The following MIS18A variants were observed in gnomAD, a reference collection of about 807,000 sequenced individuals.
MIS18A encodes protein Mis18-alpha.
A neutral mutation model predicts 25.0 loss-of-function variants in MIS18A; 14 were observed. The observed-to-expected ratio is 0.56, with a 90% confidence interval of 0.37 to 0.88. MIS18A has a LOEUF of 0.88. Ranked by LOEUF, MIS18A falls within the 40% of genes least tolerant of loss-of-function variation. The pLI is 0.00. For synonymous variants in MIS18A, 134 were observed against 118.6 expected (o/e 1.13, Z -0.84); for missense variants, 292 against 290.8 (o/e 1.00, Z -0.03).
At chr21:32,244,659 C>T in the MIS18A span, among the ~76,000 whole-genome samples, 13 of 152,196 alleles carry the variant, frequency 8.5e-5, no homozygotes, top group South Asian at 6.2e-4. Context: ...ACTGCTTGAG[C>T]CTGGGAGGTT....
the MIS18A span, among the ~76,000 whole-genome samples, chr21:32,198,604 G>A: frequency 1.3e-5 from 2 of 152,204 alleles, no homozygotes; most frequent in African/African-American, 2.4e-5. Context: ...TGCTCCAGAG[G>A]AGCCCAGCAG....
the MIS18A span, among the ~76,000 whole-genome samples, chr21:32,205,318 G>A: frequency 2.1e-4 from 32 of 151,660 alleles, no homozygotes; most frequent in Admixed American, 1.7e-3. Flanking sequence ...GTTAGCCAGG[G>A]TGGTCTCAAA....
chr21:32,226,986 G>T, the MIS18A span, among the ~76,000 whole-genome samples: 1 of 151,880 alleles, frequency 6.6e-6, no homozygotes, highest in Non-Finnish European at 1.5e-5. Context: ...AAAATCAGTG[G>T]CTCAAAACTA....
chr21:32,272,006 TA>T (rs1052335746), intron 2 of MIS18A, among the ~76,000 whole-genome samples: 11 of 152,154 alleles, frequency 7.2e-5, no homozygotes, highest in African/African-American at 2.7e-4. Flanking sequence ...AAAATCAACC[TA>T]AACACCACCA....
the MIS18A span, among the ~76,000 whole-genome samples, chr21:32,259,282 A>T: frequency 2.6e-5 from 4 of 151,996 alleles, no homozygotes; most frequent in African/African-American, 4.8e-5. Context: ...TCGCTCCAAG[A>T]CCGCAGGCCT....
the MIS18A span, among the ~76,000 whole-genome samples, chr21:32,243,365 C>G: frequency 2.0e-5 from 3 of 152,036 alleles, no homozygotes; most frequent in African/African-American, 7.2e-5. Context: ...ATAAAAAGAA[C>G]TACCAAAGTG....
At chr21:32,253,226 G>A in the MIS18A span, among the ~76,000 whole-genome samples, 2 of 152,132 alleles carry the variant, frequency 1.3e-5, no homozygotes, top group African/African-American at 4.8e-5. Flanking sequence ...GGGAAGGAAG[G>A]CTCTATGCCG....
At chr21:32,248,804 C>T in the MIS18A span, among the ~76,000 whole-genome samples, 1 of 152,150 alleles carries the variant, frequency 6.6e-6, no homozygotes, top group Non-Finnish European at 1.5e-5. Flanking sequence ...TTCATAGTCT[C>T]CAGAAAGAAA....
At chr21:32,196,487 GTC>G in the MIS18A span, among the ~76,000 whole-genome samples, 1 of 145,772 alleles carries the variant, frequency 6.9e-6, no homozygotes, top group Non-Finnish European at 1.5e-5. Flanking sequence ...TTGAGGCAGA[GTC>G]TCTCTCTGTT....
At chr21:32,213,581 A>G in the MIS18A span, among the ~76,000 whole-genome samples, 57 of 152,172 alleles carry the variant, frequency 3.7e-4, no homozygotes, top group Non-Finnish European at 7.3e-4. Flanking sequence ...GTCTTTCTGC[A>G]CTCTGTACCC....
the MIS18A span, among the ~76,000 whole-genome samples, chr21:32,231,228 C>T: frequency 6.1e-5 from 9 of 147,482 alleles, 1 homozygote; most frequent in South Asian, 2.0e-3. Context: ...ACAGCGAGAC[C>T]CTGTCTCGAA....
the MIS18A span, among the ~76,000 whole-genome samples, chr21:32,256,456 G>A: frequency 6.6e-6 from 1 of 152,090 alleles, no homozygotes; most frequent in Admixed American, 6.5e-5. Context: ...GGCCACCTTT[G>A]TTCAATGGCT....
At chr21:32,277,190 T>C (rs1223073734) in intron 1 of MIS18A, among the ~76,000 whole-genome samples, 5 of 152,214 alleles carry the variant, frequency 3.3e-5, no homozygotes, top group African/African-American at 7.2e-5. Flanking sequence ...AAAAAATGTA[T>C]AGTTCTTTAA....
chr21:32,237,416 A>G, the MIS18A span, among the ~76,000 whole-genome samples: 2 of 152,238 alleles, frequency 1.3e-5, no homozygotes, highest in Non-Finnish European at 2.9e-5. Context: ...AGTGGAGTCC[A>G]TGTCCAAAAA....
chr21:32,162,964 T>C, the MIS18A span, among the ~76,000 whole-genome samples: 1 of 152,180 alleles, frequency 6.6e-6, no homozygotes, highest in Non-Finnish European at 1.5e-5. Context: ...AATCTCAGTA[T>C]CTAAGCAAGT....
chr21:32,160,585 T>A, the MIS18A span, among the ~76,000 whole-genome samples: 1 of 151,444 alleles, frequency 6.6e-6, no homozygotes, highest in Non-Finnish European at 1.5e-5. Flanking sequence ...TCCGGAAAGG[T>A]GGGACAACTC....
the MIS18A span, among the ~76,000 whole-genome samples, chr21:32,157,576 C>G: frequency 2.0e-5 from 3 of 152,008 alleles, no homozygotes; most frequent in African/African-American, 7.3e-5. Flanking sequence ...TACCAATCTA[C>G]AAAGTGGAAC....
the MIS18A span, among the ~76,000 whole-genome samples, chr21:32,160,090 T>A: frequency 6.6e-6 from 1 of 152,128 alleles, no homozygotes; most frequent in Non-Finnish European, 1.5e-5. Context: ...GGAAATACAT[T>A]TTGGGGTAAA....
chr21:32,189,302 A>C, the MIS18A span, among the ~76,000 whole-genome samples: 2 of 152,168 alleles, frequency 1.3e-5, no homozygotes, highest in African/African-American at 4.8e-5. Context: ...GTTTTGAAAC[A>C]GAGTCTCACT....
Sources: gnomAD v4.1 joint callset for allele counts (sites outside exome capture counted in the v4.1 genomes callset) on GRCh38, gnomAD v4.1.1 for gene constraint, MANE v1.5 for transcripts, NCBI Gene and HGNC (gene_info 2026-07-23, HGNC 2026-07-21) for gene names.